The following C10orf143 variants were observed in gnomAD, a reference collection of about 807,000 sequenced individuals.
C10orf143 encodes the protein uncharacterized protein C10orf143.
chr10:130,108,264 G>A (rs762631933), intron 1 of C10orf143: 1 of 1,567,714 alleles, frequency 6.4e-7, no homozygotes, highest in Non-Finnish European at 8.8e-7. Flanking sequence ...GATTTCCCAG[G>A]TCCACCACAT....
intron 1 of C10orf143, chr10:130,106,190 G>A (rs745363177): frequency 4.0e-5 from 39 of 967,236 alleles, no homozygotes; most frequent in Non-Finnish European, 6.5e-5. Flanking sequence ...ATGTGCAGCT[G>A]TTGCTGCATT....
intron 3 of C10orf143, among the ~76,000 whole-genome samples, chr10:130,072,227 T>C (rs370065352): frequency 6.6e-6 from 1 of 152,254 alleles, no homozygotes; most frequent in Non-Finnish European, 1.5e-5. Context: ...AGCTTTGTAA[T>C]ATATCTTGAT....
chr10:130,048,057 G>A (rs959810273), intron 3 of C10orf143, among the ~76,000 whole-genome samples: 1 of 152,200 alleles, frequency 6.6e-6, no homozygotes, highest in Non-Finnish European at 1.5e-5. Context: ...CTCATCACAG[G>A]ACTTCATCCC....
At chr10:130,107,512 A>G in intron 1 of C10orf143, 1 of 1,361,604 alleles carries the variant, frequency 7.3e-7, no homozygotes, top group Non-Finnish European at 1.0e-6. Context: ...TAGCTGAAAC[A>G]GAGTATAAAA....
In C10orf143 at chr10:130,074,644, G is replaced by T. The variant is rs1043521272; in HGVS notation, c.297+4922C>A. Among the ~76,000 whole-genome samples, 10 of 152,266 alleles carry T rather than the reference G, an allele frequency of 6.6e-5. No individual in the cohort carries two copies. The East Asian group carries it at 1.9e-3, about 29-fold the overall frequency. On this transcript the variant is annotated intron_variant, in intron 3 of 3. Coordinates refer to ENST00000637128, the MANE Select transcript of C10orf143 (RefSeq NM_001355042.2). ...AGGGCAGAGATCACTGGGTTCCAAG[G>T]CTTCCTGTTCTAGTGCAGTATTTAT...
chr10:130,073,928 G>C (rs987574764), intron 3 of C10orf143, among the ~76,000 whole-genome samples: 1 of 152,048 alleles, frequency 6.6e-6, no homozygotes, highest in Non-Finnish European at 1.5e-5. Context: ...TTCGTATTTG[G>C]CTATACTGAC....
intron 3 of C10orf143, among the ~76,000 whole-genome samples, chr10:130,050,929 C>T (rs549949927): frequency 6.6e-6 from 1 of 152,290 alleles, no homozygotes; most frequent in Non-Finnish European, 1.5e-5. Flanking sequence ...GATGATGGTC[C>T]CATCTCAGGC....
intron 1 of C10orf143, among the ~76,000 whole-genome samples, chr10:130,081,944 C>T (rs956583007): frequency 6.7e-6 from 1 of 149,936 alleles, no homozygotes; most frequent in Middle Eastern, 3.4e-3. Context: ...TACTAACGGT[C>T]ACAATGAAAA....
chr10:130,038,213 C>A (rs1171722), intron 3 of C10orf143, among the ~76,000 whole-genome samples: 4,071 of 152,274 alleles, frequency 0.027, 173 homozygotes, highest in African/African-American at 0.093. Context: ...ACTGGGCCAG[C>A]AGGTGACAGG....
downstream of C10orf143, among the ~76,000 whole-genome samples, chr10:130,062,355 G>T (rs1860866400): frequency 6.6e-6 from 1 of 152,140 alleles, no homozygotes; most frequent in South Asian, 2.1e-4. Flanking sequence ...TCACAGTTGA[G>T]TCAGTGGACT....
In C10orf143 at chr10:130,107,765, G is replaced by C. The variant is rs545181606; in HGVS notation, c.69+2939C>G. ...CCATCAGATTACCAAGGAAAGAGGAGAATCAAGCTGTGAAAGGTTAACCGA... is the reference window on the plus strand; with the variant it reads ...CCATCAGATTACCAAGGAAAGAGGACAATCAAGCTGTGAAAGGTTAACCGA... On this transcript the variant is annotated intron_variant, in intron 1 of 3. Transcript: ENST00000637128. The C allele has an allele frequency of 2.4e-6, 3 of 1,237,132 alleles. No individual in the cohort carries two copies. In the African/African-American group the frequency reaches 4.4e-5, roughly 18 times the overall value. The allele number at this position is 1,237,132 out of a possible 1,614,324, so 76.6% of individuals were successfully genotyped here.
At chr10:130,094,754 AC>A (rs1282725867) in intron 1 of C10orf143, among the ~76,000 whole-genome samples, 12 of 152,170 alleles carry the variant, frequency 7.9e-5, no homozygotes, top group Non-Finnish European at 1.5e-5. Context: ...TTTATGACAA[AC>A]CCACAGCCAA....
chr10:130,105,487 T>C (rs1484173465), intron 1 of C10orf143, among the ~76,000 whole-genome samples: 1 of 152,042 alleles, frequency 6.6e-6, no homozygotes, highest in Non-Finnish European at 1.5e-5. Context: ...TCCCAGCACT[T>C]TGGGAGGCTG....
chr10:130,106,022 G>A (rs61749960), intron 1 of C10orf143: 87,706 of 480,256 alleles, frequency 0.18, 9,508 homozygotes, highest in Non-Finnish European at 0.22. Context: ...TTACTGCGGC[G>A]ACCGCCAGAG....
chr10:130,035,882 G>A lies in C10orf143; in HGVS notation c.386C>T (p.Pro129Leu), dbSNP rs1019369957. 2.6e-5 allele frequency: 4 copies of A among 152,244 alleles called. No individual in the cohort carries two copies. In the East Asian group the frequency reaches 7.7e-4, roughly 29 times the overall value. 9.4% of individuals were successfully genotyped at this position (152,244 alleles called of 1,614,324 possible). The change falls in exon 4 of 6, where the codon CCT (proline) becomes CTT (leucine). Residue 129 changes from proline to leucine, a missense_variant and NMD_transcript_variant. Physicochemically the swap from Pro to Leu is moderately conservative, Grantham distance 98. Coordinates refer to the C10orf143 transcript ENST00000643056. Reference sequence around the variant, plus strand: ...CTTTCTCTCCATTCTGGAGGCTGGAGGTCTGAGATCATGCTGCCAGCATGG... The same window carrying A: ...CTTTCTCTCCATTCTGGAGGCTGGAAGTCTGAGATCATGCTGCCAGCATGG...
At chr10:130,090,343 C>T (rs546921579) in intron 1 of C10orf143, among the ~76,000 whole-genome samples, 131 of 152,214 alleles carry the variant, frequency 8.6e-4, no homozygotes, top group African/African-American at 2.5e-3. Context: ...CAAGGGAAGC[C>T]GTGAGGGAGT....
intron 3 of C10orf143, among the ~76,000 whole-genome samples, chr10:130,057,175 A>T (rs1860806503): frequency 6.6e-6 from 1 of 151,746 alleles, no homozygotes; most frequent in Non-Finnish European, 1.5e-5. Context: ...TACAGGTGTG[A>T]GCTACCACAT....
chr10:130,052,706 G>C (rs1247419816), intron 3 of C10orf143, among the ~76,000 whole-genome samples: 1 of 152,204 alleles, frequency 6.6e-6, no homozygotes, highest in African/African-American at 2.4e-5. Context: ...AGGATTAAAG[G>C]AAGAGCTTAG....
rs10551202 is a variant in C10orf143 at position 130,041,813 on chromosome 10, G to GCACACACA, written c.298-5851_298-5844dup. 2.3e-3 allele frequency among the ~76,000 whole-genome samples: 348 copies of GCACACACA among 150,702 alleles called. 2 individuals carry two copies. Among genetic ancestry groups the GCACACACA allele is most frequent in the South Asian group, 7.3e-3 (35 of 4,770 alleles). On this transcript the variant is annotated intron_variant and NMD_transcript_variant, in intron 3 of 5. Coordinates refer to the C10orf143 transcript ENST00000643056. ...TTTATGTATAATTTTAATAAGCTCT[G>GCACACACA]CACACACACACACACACACATGCAT...
Sources: gnomAD v4.1 joint callset for allele counts (sites outside exome capture counted in the v4.1 genomes callset) on GRCh38, gnomAD v4.1.1 for gene constraint, MANE v1.5 for transcripts, NCBI Gene and HGNC (gene_info 2026-07-23, HGNC 2026-07-21) for gene names.